The following SMYD3 variants were observed in gnomAD, a reference collection of about 807,000 sequenced individuals.
SMYD3 encodes histone-lysine N-methyltransferase SMYD3.
SMYD3 carries 36 observed loss-of-function variants against 57.7 expected under a neutral mutation model. The ratio of observed to expected loss-of-function variants is 0.62; its 90% CI spans 0.48 to 0.82. SMYD3 has a LOEUF of 0.82. SMYD3 is among the 40% of genes least tolerant of loss of function. The probability of loss-of-function intolerance (pLI) is 0.00; values close to 1 mark genes in which losing one functional copy is unlikely to be tolerated. For synonymous variants in SMYD3, 211 were observed against 195.0 expected, an observed-to-expected ratio of 1.08 and a Z score of -0.68; for missense variants, 515 against 538.8, an observed-to-expected ratio of 0.96 and a Z score of 0.44.
chr1:245,996,140 G>T (rs1303661242), intron 5 of SMYD3, among the ~76,000 whole-genome samples: 1 of 152,146 alleles, frequency 6.6e-6, no homozygotes, highest in East Asian at 1.9e-4. Flanking sequence ...AATACATATA[G>T]AGAAGCCATC....
chr1:246,085,638 A>T (rs1453736715), intron 5 of SMYD3, among the ~76,000 whole-genome samples: 2 of 152,116 alleles, frequency 1.3e-5, no homozygotes, highest in African/African-American at 4.8e-5. Flanking sequence ...TTGTCCTATC[A>T]CATTTCTCTA....
chr1:246,277,791 C>T (rs942924321), intron 5 of SMYD3, among the ~76,000 whole-genome samples: 22 of 152,276 alleles, frequency 1.4e-4, no homozygotes, highest in African/African-American at 4.3e-4. Flanking sequence ...ACGTACAGTT[C>T]CATTTCTTCA....
intron 5 of SMYD3, among the ~76,000 whole-genome samples, chr1:246,119,800 G>A (rs1425586314): frequency 5.3e-5 from 8 of 152,072 alleles, no homozygotes; most frequent in Non-Finnish European, 1.0e-4. Flanking sequence ...TGCCATGTAC[G>A]ACATACACTA....
chr1:246,160,230 A>C lies in SMYD3; in HGVS notation c.531+166971T>G, dbSNP rs113956948. Reference sequence around the variant, plus strand: ...TGTCCTATTCACTCACATTTATAGGAAGTGTTTATTTGTTCTAATATTTTC... The same window carrying C: ...TGTCCTATTCACTCACATTTATAGGCAGTGTTTATTTGTTCTAATATTTTC... On this transcript the variant is annotated intron_variant, in intron 5 of 11. Coordinates refer to ENST00000490107, the MANE Select transcript of SMYD3 (RefSeq NM_001167740.2). Among the ~76,000 whole-genome samples, 243 of 152,310 alleles carry C rather than the reference A, an allele frequency of 1.6e-3. 1 individual carries two copies. The highest frequency in any genetic ancestry group is 5.4e-3 in the African/African-American group (226 of 41,578).
At chr1:246,459,436 G>A (rs1338171884) in intron 1 of SMYD3, among the ~76,000 whole-genome samples, 2 of 147,444 alleles carry the variant, frequency 1.4e-5, no homozygotes, top group Non-Finnish European at 3.0e-5. Flanking sequence ...GAGAGTTTGT[G>A]GCACGTCCCC....
At chr1:246,353,368 A>AT (rs968424513) in intron 2 of SMYD3, among the ~76,000 whole-genome samples, 10 of 151,446 alleles carry the variant, frequency 6.6e-5, no homozygotes, top group African/African-American at 2.2e-4. Context: ...CTCCATTAAA[A>AT]TTTTTTTTTA....
chr1:246,472,521 T>G (rs572968360), intron 1 of SMYD3, among the ~76,000 whole-genome samples: 19 of 152,258 alleles, frequency 1.2e-4, no homozygotes, highest in African/African-American at 4.6e-4. Context: ...GACGGGCAGA[T>G]CAGTTGGGCA....
At chr1:246,339,858 C>A (rs1193639068) in intron 2 of SMYD3, among the ~76,000 whole-genome samples, 1 of 152,224 alleles carries the variant, frequency 6.6e-6, no homozygotes, top group East Asian at 1.9e-4. Flanking sequence ...CGTCATGTGA[C>A]GCCTTCTGCC....
intron 1 of SMYD3, among the ~76,000 whole-genome samples, chr1:246,394,017 C>T (rs2066615433): frequency 6.6e-6 from 1 of 152,144 alleles, no homozygotes; most frequent in Non-Finnish European, 1.5e-5. Flanking sequence ...TTTTATTTCA[C>T]AGAAACAGAA....
intron 5 of SMYD3, among the ~76,000 whole-genome samples, chr1:246,085,403 A>G (rs1190459065): frequency 6.6e-6 from 1 of 151,736 alleles, no homozygotes; most frequent in Non-Finnish European, 1.5e-5. Flanking sequence ...ATTTGAGAAA[A>G]CAGACCTTCC....
At chr1:246,062,093 G>A (rs561742097) in intron 5 of SMYD3, among the ~76,000 whole-genome samples, 4 of 152,222 alleles carry the variant, frequency 2.6e-5, no homozygotes, top group African/African-American at 7.2e-5. Flanking sequence ...CAGCACAAAC[G>A]AATCCCACAG....
chr1:246,055,196 A>AT (rs2060131061), intron 5 of SMYD3, among the ~76,000 whole-genome samples: 1 of 149,856 alleles, frequency 6.7e-6, no homozygotes, highest in South Asian at 2.1e-4. Flanking sequence ...AAAAAAAAAA[A>AT]CAAATGTTGG....
At chr1:245,824,556 A>G (rs1186873319) in intron 10 of SMYD3, among the ~76,000 whole-genome samples, 4 of 151,908 alleles carry the variant, frequency 2.6e-5, no homozygotes, top group Admixed American at 2.0e-4. Context: ...CAACTCTACT[A>G]AAAATATAAA....
At chr1:246,369,586 G>C (rs2066161226) in intron 1 of SMYD3, among the ~76,000 whole-genome samples, 1 of 151,958 alleles carries the variant, frequency 6.6e-6, no homozygotes, top group Non-Finnish European at 1.5e-5. Flanking sequence ...GAGCACAATG[G>C]CACAAACACA....
In SMYD3 at chr1:245,920,096, G is replaced by C. The variant is rs199969603; in HGVS notation, c.703-4456C>G. On this transcript the variant is annotated intron_variant, in intron 7 of 11. Transcript: ENST00000490107. ...TGGGAGGCCAAGGCGGTAGGATCACGAGGTCAGGAGATTGAGACCATCCTG... is the reference window on the plus strand; with the variant it reads ...TGGGAGGCCAAGGCGGTAGGATCACCAGGTCAGGAGATTGAGACCATCCTG... Among the ~76,000 whole-genome samples, 29 of 152,208 alleles carry C rather than the reference G, an allele frequency of 1.9e-4. No individual in the cohort carries two copies. In the East Asian group the frequency reaches 5.2e-3, roughly 27 times the overall value.
chr1:246,034,494 A>T (rs2059734214), intron 5 of SMYD3: 1 of 152,266 alleles, frequency 6.6e-6, no homozygotes, highest in South Asian at 2.1e-4. Flanking sequence ...CAATGAAGAA[A>T]GAACATGAAA....
chr1:246,473,429 GAAGA>G (rs2067987227), intron 1 of SMYD3, among the ~76,000 whole-genome samples: 1 of 152,120 alleles, frequency 6.6e-6, no homozygotes, highest in Non-Finnish European at 1.5e-5. Flanking sequence ...TCATCTCAGA[GAAGA>G]AAGTGTTTTT....
At chr1:245,751,588 G>GAGAA (rs2045371201) in intron 11 of SMYD3, among the ~76,000 whole-genome samples, 1 of 78,042 alleles carries the variant, frequency 1.3e-5, no homozygotes, top group African/African-American at 4.9e-5. Flanking sequence ...AAGAGAGAGA[G>GAGAA]AGAGAAAGAG....
intron 11 of SMYD3, among the ~76,000 whole-genome samples, chr1:245,752,522 T>C (rs1000517446): frequency 2.6e-5 from 4 of 152,240 alleles, no homozygotes; most frequent in Admixed American, 6.5e-5. Flanking sequence ...CTGGCATGCT[T>C]TGAACATACT....
Sources: allele counts gnomAD v4.1 joint callset (sites outside exome capture counted in the v4.1 genomes callset), GRCh38; gene constraint gnomAD v4.1.1; transcripts MANE v1.5; gene names NCBI Gene and HGNC (gene_info 2026-07-23, HGNC 2026-07-21).